The following FBXO11 variants were observed in gnomAD, a reference collection of about 807,000 sequenced individuals.
FBXO11 encodes F-box only protein 11.
FBXO11 carries 13 observed loss-of-function variants against 117.0 expected under a neutral mutation model. The observed-to-expected ratio is 0.11, with a 90% confidence interval of 0.07 to 0.18. FBXO11 has a LOEUF of 0.18. Among genes scored for constraint, FBXO11 ranks in the 10% least tolerant of loss-of-function variants. The probability of loss-of-function intolerance (pLI) is 1.00; values close to 1 mark genes in which losing one functional copy is unlikely to be tolerated. For synonymous variants in FBXO11, 490 were observed against 380.5 expected, an observed-to-expected ratio of 1.29 and a Z score of -3.35; for missense variants, 767 against 1,164.4, an observed-to-expected ratio of 0.66 and a Z score of 4.97.
intron 14 of FBXO11, 72 bp from the exon 15 acceptor site, chr2:47,819,150 T>C: frequency 6.9e-7 from 1 of 1,449,688 alleles, no homozygotes; most frequent in South Asian, 1.3e-5. Flanking sequence ...TTACCCCCTT[T>C]ATAGACAGTT....
intron 2 of FBXO11, 29 bp from the exon 3 acceptor site, chr2:47,839,529 G>A: frequency 6.2e-7 from 1 of 1,609,442 alleles, no homozygotes; most frequent in African/African-American, 1.3e-5. Context: ...AACTAGTAAA[G>A]CAAATATTCT....
At chr2:47,904,921 C>CAGGGACGG (rs1678637487) in intron 1 of FBXO11, among the ~76,000 whole-genome samples, 1 of 151,958 alleles carries the variant, frequency 6.6e-6, no homozygotes, top group Non-Finnish European at 1.5e-5. Context: ...ACCCCGTGAC[C>CAGGGACGG]AGGGACGGGG....
chr2:47,904,389 C>G (rs538768032), intron 1 of FBXO11, among the ~76,000 whole-genome samples: 9 of 152,060 alleles, frequency 5.9e-5, no homozygotes, highest in Non-Finnish European at 1.3e-4. Context: ...TGCAACACCC[C>G]CCCTCATAAA....
chr2:47,900,065 G>C (rs1394230965), intron 1 of FBXO11, among the ~76,000 whole-genome samples: 2 of 152,086 alleles, frequency 1.3e-5, no homozygotes, highest in Non-Finnish European at 2.9e-5. Context: ...CTTCTCTTGG[G>C]TTTGTCAGAA....
intron 21 of FBXO11, 87 bp from the exon 22 acceptor site, chr2:47,808,514 G>C: frequency 8.2e-7 from 1 of 1,213,008 alleles, no homozygotes; most frequent in Non-Finnish European, 1.1e-6. Context: ...TATGACCTTT[G>C]GCTTTAAGAG....
At chr2:47,879,330 T>C (rs1676262655) in intron 1 of FBXO11, among the ~76,000 whole-genome samples, 1 of 152,250 alleles carries the variant, frequency 6.6e-6, no homozygotes, top group Non-Finnish European at 1.5e-5. Flanking sequence ...CTCTGGCAGA[T>C]ATTGACCAAT....
intron 1 of FBXO11, among the ~76,000 whole-genome samples, chr2:47,884,728 T>G (rs1676687516): frequency 6.6e-6 from 1 of 152,168 alleles, no homozygotes; most frequent in Non-Finnish European, 1.5e-5. Context: ...TTTTAAAAGC[T>G]TTTACATGGG....
At chr2:47,866,920 G>A (rs548178078) in intron 1 of FBXO11, among the ~76,000 whole-genome samples, 1 of 152,240 alleles carries the variant, frequency 6.6e-6, no homozygotes, top group African/African-American at 2.4e-5. Context: ...ACACTGTTCT[G>A]ACTCTGCAAA....
Position 47,832,331 on chromosome 2 carries a change from AAAAAT to A in FBXO11, c.1398+13_1398+17del. On this transcript the variant is annotated intron_variant, in intron 11 of 22. Transcript: ENST00000403359. ...TGATACAGAAGTCCGTTTTTCTATTAAAAATAAGTGTTCTTACCATGCCATGATCA... is the reference window on the plus strand; with the variant it reads ...TGATACAGAAGTCCGTTTTTCTATTAAAGTGTTCTTACCATGCCATGATCA... The A allele has an allele frequency of 6.7e-7, 1 of 1,502,950 alleles. No individual in the cohort carries two copies. The highest frequency in any genetic ancestry group is 9.0e-7 in the Non-Finnish European group (1 of 1,113,014). 93.1% of individuals were successfully genotyped at this position (1,502,950 alleles called of 1,614,324 possible).
chr2:47,867,303 T>C (rs1368652778), intron 1 of FBXO11, among the ~76,000 whole-genome samples: 2 of 152,228 alleles, frequency 1.3e-5, no homozygotes, highest in East Asian at 1.9e-4. Flanking sequence ...CATCCTCCAC[T>C]GGAACTCAGC....
In FBXO11 at chr2:47,839,596, A is replaced by C. The variant is rs201976426; in HGVS notation, c.360+46T>G. 24 of 1,605,184 alleles carry C rather than the reference A, an allele frequency of 1.5e-5. No homozygotes were observed. In the Admixed American group the frequency reaches 3.8e-4, roughly 25 times the overall value. On this transcript the variant is annotated intron_variant, in intron 2 of 22. Coordinates refer to ENST00000403359, the MANE Select transcript of FBXO11 (RefSeq NM_001190274.2). ...ATGACATTCCCTTTTTTGTTTCTTG[A>C]AAATTCTTTCATTACAAAAAGAAAA... is the stretch of plus-strand genomic sequence containing the variant.
chr2:47,896,133 T>A (rs539330343), intron 1 of FBXO11, among the ~76,000 whole-genome samples: 5 of 152,170 alleles, frequency 3.3e-5, no homozygotes, highest in Non-Finnish European at 7.4e-5. Flanking sequence ...ACCCCAAAAT[T>A]AGTCTTTTGA....
chr2:47,809,406 A>C, intron 20 of FBXO11, 140 bp from the exon 21 acceptor site: 1 of 687,346 alleles, frequency 1.5e-6, no homozygotes, highest in Non-Finnish European at 2.4e-6. Context: ...AATTGTAAGA[A>C]ATCAGCTAAG....
At chr2:47,869,766 T>C (rs1055262232) in intron 1 of FBXO11, among the ~76,000 whole-genome samples, 1 of 152,228 alleles carries the variant, frequency 6.6e-6, no homozygotes, top group Non-Finnish European at 1.5e-5. Context: ...GCATCCTTTT[T>C]TGGGGCAAGG....
chr2:47,856,375 C>T (rs1230380239), intron 1 of FBXO11, among the ~76,000 whole-genome samples: 1 of 152,102 alleles, frequency 6.6e-6, no homozygotes, highest in Non-Finnish European at 1.5e-5. Flanking sequence ...ACACGGTATG[C>T]AGCAATTAAT....
At chr2:47,813,425 ATTTTTTTTTTTT>A in intron 17 of FBXO11, 48 bp from the exon 18 acceptor site, 2 of 386,832 alleles carry the variant, frequency 5.2e-6, no homozygotes, top group Admixed American at 7.6e-5. Flanking sequence ...TTTCTTTTTA[ATTTTTTTTTTTT>A]TTTTTTTTTT....
chr2:47,820,304 C>G (rs372250687), intron 14 of FBXO11, 58 bp downstream of exon 14: 2 of 1,374,078 alleles, frequency 1.5e-6, no homozygotes, highest in Middle Eastern at 1.8e-4. Context: ...GAGGAGAAAC[C>G]CTTTATCCCC....
chr2:47,863,769 C>T (rs1240310920), intron 1 of FBXO11, among the ~76,000 whole-genome samples: 1 of 152,096 alleles, frequency 6.6e-6, no homozygotes, highest in East Asian at 1.9e-4. Flanking sequence ...GGTGGAACCA[C>T]ATATCTACTA....
At chr2:47,825,565 CTTCT>C (rs1302644456) in intron 11 of FBXO11, among the ~76,000 whole-genome samples, 1 of 129,126 alleles carries the variant, frequency 7.7e-6, no homozygotes. Context: ...ATTTTTTCTT[CTTCT>C]TCTTTTTTTT....
Sources: gnomAD v4.1 joint callset for allele counts (sites outside exome capture counted in the v4.1 genomes callset) on GRCh38, gnomAD v4.1.1 for gene constraint, MANE v1.5 for transcripts, NCBI Gene and HGNC (gene_info 2026-07-23, HGNC 2026-07-21) for gene names.